DACH1: variants seen among roughly 807,000 people sequenced by gnomAD.
DACH1 encodes dachshund family transcription factor 1.
DACH1 carries 12 observed loss-of-function variants against 54.2 expected under a neutral mutation model. The observed-to-expected ratio is 0.22, with a 90% CI of 0.14 to 0.36. The LOEUF is 0.36. Ranked by LOEUF, DACH1 falls within the 10% of genes least tolerant of loss-of-function variation. The pLI, the probability that DACH1 is intolerant of heterozygous loss-of-function variation, is 1.00. For missense variants in DACH1, 805 were observed against 929.8 expected (o/e 0.87, Z 1.75); for synonymous variants, 386 against 366.2 (o/e 1.05, Z -0.62).
At chr13:71,504,225 A>G (rs1220344214) in intron 6 of DACH1, among the ~76,000 whole-genome samples, 2 of 152,138 alleles carry the variant, frequency 1.3e-5, no homozygotes, top group African/African-American at 4.8e-5. Flanking sequence ...AACAATTAAC[A>G]CGAGAAATCT....
chr13:71,482,903 C>T (rs963865353), intron 7 of DACH1, among the ~76,000 whole-genome samples: 8 of 149,734 alleles, frequency 5.3e-5, no homozygotes, highest in African/African-American at 1.5e-4. Context: ...CAGGTTCAAG[C>T]GATTCTCCTG....
chr13:71,787,512 C>T (rs963255917), intron 1 of DACH1, among the ~76,000 whole-genome samples: 1 of 152,186 alleles, frequency 6.6e-6, no homozygotes, highest in Non-Finnish European at 1.5e-5. Flanking sequence ...AAGTTATGAG[C>T]CTTCGCAAAT....
chr13:71,722,653 T>C (rs928508099), intron 1 of DACH1, among the ~76,000 whole-genome samples: 13 of 152,140 alleles, frequency 8.5e-5, no homozygotes, highest in African/African-American at 3.1e-4. Context: ...GAAACAATAG[T>C]TCTAAATATG....
intron 3 of DACH1, among the ~76,000 whole-genome samples, chr13:71,592,702 T>C (rs1456105444): frequency 6.6e-6 from 1 of 152,032 alleles, no homozygotes; most frequent in Admixed American, 6.6e-5. Flanking sequence ...GGGAATACAA[T>C]TTGAAACTGA....
chr13:71,844,968 A>G (rs1873124960), intron 1 of DACH1, among the ~76,000 whole-genome samples: 1 of 152,164 alleles, frequency 6.6e-6, no homozygotes, highest in African/African-American at 2.4e-5. Context: ...AGGGCAGGAG[A>G]AAGGAGGGAA....
intron 6 of DACH1, among the ~76,000 whole-genome samples, chr13:71,517,127 C>A (rs1048944052): frequency 2.0e-5 from 3 of 151,668 alleles, no homozygotes; most frequent in Non-Finnish European, 2.9e-5. Context: ...TGGTAGCATG[C>A]GCCATTAAAC....
intron 10 of DACH1, among the ~76,000 whole-genome samples, chr13:71,450,066 A>G (rs1874885879): frequency 6.6e-6 from 1 of 152,088 alleles, no homozygotes; most frequent in South Asian, 2.1e-4. Flanking sequence ...ACAAGAAAAA[A>G]TGTTCTGAGA....
intron 2 of DACH1, among the ~76,000 whole-genome samples, chr13:71,655,112 A>G (rs1879000270): frequency 6.6e-6 from 1 of 152,172 alleles, no homozygotes; most frequent in South Asian, 2.1e-4. Flanking sequence ...TGTTTCTTCA[A>G]CTTTCTGCAA....
chr13:71,760,607 C>T (rs1296064292), intron 1 of DACH1, among the ~76,000 whole-genome samples: 2 of 152,058 alleles, frequency 1.3e-5, no homozygotes. Context: ...AACTCGTTAC[C>T]GTCATCAAAG....
At chr13:71,462,026 C>CA (rs2138141251) in intron 10 of DACH1, among the ~76,000 whole-genome samples, 1 of 151,950 alleles carries the variant, frequency 6.6e-6, no homozygotes, top group South Asian at 2.1e-4. Context: ...AAAATCTCCC[C>CA]ATCCAGCACT....
At chr13:71,794,206 T>C (rs1022960930) in intron 1 of DACH1, among the ~76,000 whole-genome samples, 1 of 152,190 alleles carries the variant, frequency 6.6e-6, no homozygotes, top group African/African-American at 2.4e-5. Context: ...CAATGAGATG[T>C]ACAATCACAT....
At chr13:71,602,981 T>C (rs567502712) in intron 3 of DACH1, among the ~76,000 whole-genome samples, 15 of 152,104 alleles carry the variant, frequency 9.9e-5, no homozygotes, top group South Asian at 2.1e-4. Context: ...ACTAGTAAAA[T>C]ACACTTTATT....
intron 10 of DACH1, among the ~76,000 whole-genome samples, chr13:71,471,732 A>C (rs1030067925): frequency 6.6e-6 from 1 of 151,988 alleles, no homozygotes; most frequent in Non-Finnish European, 1.5e-5. Flanking sequence ...AGCCTGGGCA[A>C]CAGAGTGAGA....
At chr13:71,472,373 A>C (rs1877158145) in intron 10 of DACH1, among the ~76,000 whole-genome samples, 1 of 152,176 alleles carries the variant, frequency 6.6e-6, no homozygotes, top group Non-Finnish European at 1.5e-5. Context: ...ACAAAATGCC[A>C]ATGAGGCAAT....
At chr13:71,783,099 T>C (rs1886451778) in intron 1 of DACH1, among the ~76,000 whole-genome samples, 1 of 152,136 alleles carries the variant, frequency 6.6e-6, no homozygotes, top group Non-Finnish European at 1.5e-5. Flanking sequence ...TCAGTGGCTA[T>C]ACACACAGAC....
At chr13:71,681,626 G>T (rs1880898565) in intron 2 of DACH1, among the ~76,000 whole-genome samples, 169 bp downstream of exon 2, 1 of 152,216 alleles carries the variant, frequency 6.6e-6, no homozygotes, top group African/African-American at 2.4e-5. Context: ...ATAAAGAAAA[G>T]ATGGTAATCA....
chr13:71,462,967 T>G (rs2138143592), intron 10 of DACH1, among the ~76,000 whole-genome samples: 1 of 151,488 alleles, frequency 6.6e-6, no homozygotes, highest in South Asian at 2.1e-4. Context: ...GTGTCTATAC[T>G]CAGTGAACAA....
intron 3 of DACH1, among the ~76,000 whole-genome samples, chr13:71,613,212 G>A (rs1445259603): frequency 6.6e-6 from 1 of 152,134 alleles, no homozygotes; most frequent in Non-Finnish European, 1.5e-5. Context: ...GAGATCCACT[G>A]GCCAGTTTTT....
intron 1 of DACH1, among the ~76,000 whole-genome samples, chr13:71,748,876 TTC>T (rs199954970): frequency 1.3e-4 from 2 of 15,382 alleles, no homozygotes; most frequent in Non-Finnish European, 4.6e-4. Flanking sequence ...CTTTCTTTCT[TTC>T]TTTCTTTCTT....
Sources: allele counts gnomAD v4.1 joint callset (sites outside exome capture counted in the v4.1 genomes callset), GRCh38; gene constraint gnomAD v4.1.1; transcripts MANE v1.5; gene names NCBI Gene and HGNC (gene_info 2026-07-23, HGNC 2026-07-21).